Variants in EZH1 observed in about 807,000 individuals in gnomAD.
EZH1 encodes enhancer of zeste 1 polycomb repressive complex 2 subunit.
EZH1 carries 33 observed loss-of-function variants against 100.5 expected under a neutral mutation model. The observed-to-expected ratio is 0.33, with a 90% CI of 0.25 to 0.44. The LOEUF is 0.44. Ranked by LOEUF, EZH1 falls within the 20% of genes least tolerant of loss-of-function variation. EZH1 has a pLI of 1.00. For missense variants in EZH1, 475 were observed against 928.4 expected, an observed-to-expected ratio of 0.51 and a Z score of 6.35; for synonymous variants, 272 against 313.8, an observed-to-expected ratio of 0.87 and a Z score of 1.41.
Position 42,704,632 on chromosome 17 carries a change from T to C in EZH1, c.1987A>G (p.Met663Val), listed in dbSNP as rs1684131251. 3.7e-6 allele frequency: 6 copies of C among 1,613,892 alleles called. No homozygotes were observed. Among genetic ancestry groups the C allele is most frequent in the Non-Finnish European group, 5.1e-6 (6 of 1,179,954 alleles). Residue 663 changes from methionine (M) to valine (V), a missense_variant, in exon 18 of 21, where the codon ATG (methionine) becomes GTG (valine). Around this residue, in one of 8 missense-constraint regions of EZH1, gnomAD observed 49 missense variants for 164.2 expected, o/e 0.30. Transcript: ENST00000428826. ...DRRGKVYDKY[M>V]SSFLFNLNND... ...TTGAGGTTGAAGAGGAAGCTGGACA[T>C]GTATTTGTCATAGACCTTTCCGCGT...
At chr17:42,721,250 C>T (rs996867362) in intron 6 of EZH1, among the ~76,000 whole-genome samples, 1 of 152,194 alleles carries the variant, frequency 6.6e-6, no homozygotes, top group Non-Finnish European at 1.5e-5. Flanking sequence ...ACAGTGCCCA[C>T]AATTGTCAAA....
In EZH1 at chr17:42,702,740, A is replaced by T. The variant is rs1597818768; in HGVS notation, c.2183+137T>A. The T allele has an allele frequency of 3.1e-6, 4 of 1,271,246 alleles. No homozygotes were observed. The East Asian group carries it at 9.3e-5, about 29-fold the overall frequency. The allele number at this position is 1,271,246 out of a possible 1,614,324, so 78.7% of individuals were successfully genotyped here. On this transcript the variant is annotated intron_variant, in intron 20 of 20. Transcript: ENST00000428826. The stretch of plus-strand genomic sequence containing the variant: ...TCTGAGGCAAGGCACCAGATATCAG[A>T]ACAAGGGACACAGCCTTATTCACCG...
At chr17:42,744,864 GCCTGCTA>G in intron 1 of EZH1, 140 bp downstream of exon 1, 2 of 844,080 alleles carry the variant, frequency 2.4e-6, no homozygotes, top group Non-Finnish European at 3.1e-6. Flanking sequence ...GAGGAGGGGC[GCCTGCTA>G]CCCCCGGCCA....
At chr17:42,717,692 C>A (rs1248852043) in intron 10 of EZH1, among the ~76,000 whole-genome samples, 1 of 152,144 alleles carries the variant, frequency 6.6e-6, no homozygotes, top group Non-Finnish European at 1.5e-5. Context: ...ACACTTTGCT[C>A]CAATTCTAAC....
intron 10 of EZH1, among the ~76,000 whole-genome samples, chr17:42,715,882 A>G (rs180924084): frequency 5.1e-4 from 78 of 152,252 alleles, no homozygotes; most frequent in Non-Finnish European, 9.4e-4. Context: ...CCCTGTCTCT[A>G]CTAAAAACAC....
chr17:42,711,086 GGTCTTTTCCT>G (rs568318795), intron 12 of EZH1, among the ~76,000 whole-genome samples: 216 of 152,192 alleles, frequency 1.4e-3, no homozygotes, highest in African/African-American at 4.8e-3. Flanking sequence ...TTCTCACTGT[GGTCTTTTCCT>G]GTCTTTTCCT....
intron 14 of EZH1, among the ~76,000 whole-genome samples, chr17:42,708,483 C>T (rs1437391507): frequency 3.9e-5 from 6 of 151,934 alleles, no homozygotes; most frequent in Middle Eastern, 3.4e-3. Flanking sequence ...GGTGAAACCC[C>T]GTCTCTACTA....
Position 42,701,434 on chromosome 17 carries a change from G to C in EZH1, c.*1098C>G. 6.5e-6 allele frequency: 1 copy of C among 152,834 alleles called. No individual in the cohort carries two copies. The highest frequency in any genetic ancestry group is 1.9e-4 in the East Asian group (1 of 5,334). 9.5% of individuals were successfully genotyped at this position (152,834 alleles called of 1,614,324 possible). On this transcript the variant is annotated 3_prime_UTR_variant, in exon 21 of 21. Coordinates refer to ENST00000428826, the MANE Select transcript of EZH1 (RefSeq NM_001991.5). Reference sequence around the variant, plus strand: ...CTGCACACGGGGTGCCAGCCTAAACGCGTGCAATTTAGCCCCTCACCAACC... The same window carrying C: ...CTGCACACGGGGTGCCAGCCTAAACCCGTGCAATTTAGCCCCTCACCAACC...
chr17:42,731,160 C>G (rs567523968), intron 1 of EZH1, among the ~76,000 whole-genome samples: 2 of 151,938 alleles, frequency 1.3e-5, no homozygotes, highest in East Asian at 3.9e-4. Context: ...CTCTGTTGCC[C>G]AAGCTGGAGT....
At chr17:42,733,639 TC>T (rs2054002110) in intron 1 of EZH1, among the ~76,000 whole-genome samples, 2 of 83,080 alleles carry the variant, frequency 2.4e-5, no homozygotes, top group Admixed American at 1.6e-4. Context: ...AGACTCCATC[TC>T]AAAAAAAAAA....
intron 10 of EZH1, among the ~76,000 whole-genome samples, chr17:42,717,673 C>A (rs531691384): frequency 6.6e-6 from 1 of 152,262 alleles, no homozygotes; most frequent in East Asian, 1.9e-4. Flanking sequence ...GTACCCACCC[C>A]CCCAGCATAC....
chr17:42,718,163 A>G lies in EZH1; in HGVS notation c.932-96T>C. On this transcript the variant is annotated intron_variant, in intron 9 of 20. Transcript: ENST00000428826. This position sits in a 1 kb window ranked among gnomAD's most constrained non-coding sequence, Gnocchi z 4.2. ...TTAGAGAGCTATTGTAGGAGTTAGA[A>G]TTCGATATAAACGGCTACCATCAGG... The G allele has an allele frequency of 8.8e-7, 1 of 1,138,840 alleles. No homozygotes were observed. 70.5% of individuals were successfully genotyped at this position (1,138,840 alleles called of 1,614,324 possible).
At position 42,718,744 on chromosome 17, in the gene EZH1, G is replaced by A; in HGVS notation, c.768-127C>T. 1 of 886,748 alleles carries A rather than the reference G, an allele frequency of 1.1e-6. No individual in the cohort carries two copies. The highest frequency in any genetic ancestry group is 1.7e-6 in the Non-Finnish European group (1 of 584,340). 54.9% of individuals were successfully genotyped at this position (886,748 alleles called of 1,614,324 possible). ...AGGATGGGTGTTTTTTATAGGTCTG[G>A]TTGATAAGAGAATGGTAGATAACTA... On this transcript the variant is annotated intron_variant, in intron 8 of 20. Transcript: ENST00000428826. This position sits in a 1 kb window ranked among gnomAD's most constrained non-coding sequence, Gnocchi z 4.2.
rs2053609595 is a variant in EZH1, at chr17:42,716,627, G to A, written c.1023+1349C>T. On this transcript the variant is annotated intron_variant, in intron 10 of 20. Transcript: ENST00000428826. Reference sequence around the variant, plus strand: ...CCTGTGAGAAGGGCAATGACCTTTTGACTTATATAAATGCTGGTATGTTGA... The same window carrying A: ...CCTGTGAGAAGGGCAATGACCTTTTAACTTATATAAATGCTGGTATGTTGA... Among the ~76,000 whole-genome samples, 2 of 152,098 alleles carry A rather than the reference G, an allele frequency of 1.3e-5. 1 individual carries two copies. Among genetic ancestry groups the A allele is most frequent in the South Asian group, 4.1e-4 (2 of 4,820 alleles).
At chr17:42,728,341 T>C (rs372015460) in intron 3 of EZH1, among the ~76,000 whole-genome samples, 4 of 150,456 alleles carry the variant, frequency 2.7e-5, no homozygotes, top group African/African-American at 9.7e-5. Flanking sequence ...CTCGAACTCC[T>C]GACCTCAGGT....
chr17:42,719,307 G>T, intron 7 of EZH1, 100 bp from the exon 8 acceptor site: 1 of 907,924 alleles, frequency 1.1e-6, no homozygotes, highest in Non-Finnish European at 1.8e-6. Flanking sequence ...TTTGATTACA[G>T]CTGCTTTGTT....
intron 1 of EZH1, among the ~76,000 whole-genome samples, chr17:42,737,630 ATTCT>A (rs1032873044): frequency 7.2e-5 from 11 of 152,038 alleles, no homozygotes; most frequent in African/African-American, 1.2e-4. Context: ...CAAACAAACT[ATTCT>A]TTCTTTTTTT....
At chr17:42,741,487 G>A (rs1242755386) in intron 1 of EZH1, among the ~76,000 whole-genome samples, 1 of 152,184 alleles carries the variant, frequency 6.6e-6, no homozygotes, top group East Asian at 1.9e-4. Context: ...TGGGATTACA[G>A]CTGTGAGCCA....
At chr17:42,712,200 A>T in intron 12 of EZH1, 89 bp downstream of exon 12, 1 of 1,392,658 alleles carries the variant, frequency 7.2e-7, no homozygotes, top group Non-Finnish European at 9.9e-7. Flanking sequence ...CTCCAGACCC[A>T]GACACACAGC....
Sources: allele counts gnomAD v4.1 joint callset (sites outside exome capture counted in the v4.1 genomes callset), GRCh38; gene constraint gnomAD v4.1.1; regional missense constraint gnomAD v4.1.1; non-coding constraint Gnocchi (gnomAD v3.1); transcripts MANE v1.5; gene names NCBI Gene and HGNC (gene_info 2026-07-23, HGNC 2026-07-21).